MLLT3: variants seen among roughly 807,000 people sequenced by gnomAD.
MLLT3 encodes the protein protein AF-9.
MLLT3 carries 4 observed loss-of-function variants against 53.2 expected under a neutral mutation model. That is an observed-to-expected ratio of 0.08 (90% CI 0.04 to 0.17). The LOEUF (loss-of-function observed/expected upper bound fraction) is 0.17, where lower values mean the gene tolerates loss of function less well. MLLT3 is among the 10% of genes least tolerant of loss of function. The pLI is 1.00. For synonymous variants in MLLT3, 283 were observed against 230.6 expected, an observed-to-expected ratio of 1.23 and a Z score of -2.06; for missense variants, 569 against 684.0, an observed-to-expected ratio of 0.83 and a Z score of 1.87.
chr9:20,602,029 T>C (rs895065864), intron 2 of MLLT3, among the ~76,000 whole-genome samples: 5 of 152,138 alleles, frequency 3.3e-5, no homozygotes, highest in African/African-American at 9.7e-5. Context: ...AGATAAAATG[T>C]TCCCACTCCT....
chr9:20,467,081 A>G (rs576141111), intron 2 of MLLT3, among the ~76,000 whole-genome samples: 4 of 152,316 alleles, frequency 2.6e-5, no homozygotes, highest in Non-Finnish European at 5.9e-5. Context: ...TTCAAACTAG[A>G]GACACTATGA....
Position 20,414,253 on chromosome 9 carries a change from T to C in MLLT3, c.593A>G (p.Lys198Arg), listed in dbSNP as rs1414519136. 6.2e-7 allele frequency: 1 copy of C among 1,612,826 alleles called. No individual in the cohort carries two copies. The highest frequency in any genetic ancestry group is 1.7e-5 in the Admixed American group (1 of 59,958). ...SSSTSFSKPH[K>R]LMKEHKEKPS... Reference sequence around the variant, plus strand: ...TTTTTCCTTGTGCTCCTTCATTAATTTGTGAGGCTTTGAAAAACTGGTACT... The same window carrying C: ...TTTTTCCTTGTGCTCCTTCATTAATCTGTGAGGCTTTGAAAAACTGGTACT... The change falls in exon 5 of 11, where the codon AAA (lysine) becomes AGA (arginine). Residue 198 changes from lysine (K) to arginine (R), a missense_variant. By Grantham distance (26) the Lys-to-Arg change is conservative. Coordinates refer to ENST00000380338, the MANE Select transcript of MLLT3 (RefSeq NM_004529.4).
chr9:20,606,216 A>G (rs1232907999), intron 2 of MLLT3, among the ~76,000 whole-genome samples: 1 of 152,104 alleles, frequency 6.6e-6, no homozygotes, highest in African/African-American at 2.4e-5. Flanking sequence ...TGGAGATTCA[A>G]GACCACCCAT....
intron 2 of MLLT3, among the ~76,000 whole-genome samples, chr9:20,505,393 T>A (rs976374829): frequency 2.0e-5 from 3 of 152,180 alleles, no homozygotes; most frequent in Non-Finnish European, 4.4e-5. Flanking sequence ...ATAAACTTTT[T>A]TTTCCTCCAA....
chr9:20,506,325 G>A (rs1407288143), intron 2 of MLLT3, among the ~76,000 whole-genome samples: 1 of 152,164 alleles, frequency 6.6e-6, no homozygotes, highest in Admixed American at 6.5e-5. Flanking sequence ...ACAGGCGTGA[G>A]CCACCGTGCC....
chr9:20,482,730 C>T (rs1319360749), intron 2 of MLLT3, among the ~76,000 whole-genome samples: 5 of 152,040 alleles, frequency 3.3e-5, no homozygotes, highest in Admixed American at 6.5e-5. Flanking sequence ...GAGGCATTAG[C>T]GGATTGTTTT....
At chr9:20,363,737 A>G in intron 6 of MLLT3, 132 bp from the exon 7 acceptor site, 1 of 793,756 alleles carries the variant, frequency 1.3e-6, no homozygotes, top group Non-Finnish European at 1.7e-6. Context: ...TATACAATTT[A>G]CAAGGCAAAT....
chr9:20,585,752 G>A (rs1033814987), intron 2 of MLLT3, among the ~76,000 whole-genome samples: 1 of 152,146 alleles, frequency 6.6e-6, no homozygotes, highest in African/African-American at 2.4e-5. Context: ...CTATTTCCCA[G>A]TGTGGTCTCA....
intron 2 of MLLT3, among the ~76,000 whole-genome samples, chr9:20,582,522 A>G (rs1819820079): frequency 6.6e-6 from 1 of 152,128 alleles, no homozygotes; most frequent in South Asian, 2.1e-4. Flanking sequence ...GCTTCTTTCA[A>G]TTGGCAATAT....
chr9:20,540,523 C>T (rs1818603650), intron 2 of MLLT3, among the ~76,000 whole-genome samples: 1 of 152,248 alleles, frequency 6.6e-6, no homozygotes, highest in Non-Finnish European at 1.5e-5. Flanking sequence ...CCTCTGAAGC[C>T]ATGGCCCAAG....
intron 2 of MLLT3, among the ~76,000 whole-genome samples, chr9:20,561,186 T>G (rs1416451530): frequency 6.6e-6 from 1 of 152,144 alleles, no homozygotes; most frequent in Non-Finnish European, 1.5e-5. Context: ...CTAGTTAACA[T>G]GTATCTACTT....
At chr9:20,548,482 T>C (rs977528433) in intron 2 of MLLT3, among the ~76,000 whole-genome samples, 20 of 152,226 alleles carry the variant, frequency 1.3e-4, no homozygotes, top group Non-Finnish European at 2.1e-4. Flanking sequence ...TAAATACAGA[T>C]TACATTTGAC....
At chr9:20,384,273 G>A (rs892411728) in intron 5 of MLLT3, among the ~76,000 whole-genome samples, 1 of 152,016 alleles carries the variant, frequency 6.6e-6, no homozygotes, top group Non-Finnish European at 1.5e-5. Context: ...GAATACAGAG[G>A]TGGGCCAAAA....
At chr9:20,542,607 C>T (rs926968194) in intron 2 of MLLT3, among the ~76,000 whole-genome samples, 1 of 152,138 alleles carries the variant, frequency 6.6e-6, no homozygotes, top group Non-Finnish European at 1.5e-5. Flanking sequence ...TTAAACTATT[C>T]AGTAAGCCAT....
intron 4 of MLLT3, among the ~76,000 whole-genome samples, chr9:20,445,625 A>T (rs1586954444): frequency 6.6e-6 from 1 of 152,172 alleles, no homozygotes; most frequent in East Asian, 1.9e-4. Flanking sequence ...GCAACACTCA[A>T]CTTTTAGTAG....
chr9:20,474,128 A>T (rs1189908597), intron 2 of MLLT3, among the ~76,000 whole-genome samples: 3 of 152,084 alleles, frequency 2.0e-5, no homozygotes, highest in Non-Finnish European at 2.9e-5. Flanking sequence ...TGGCTCCTAA[A>T]CTTATGATTT....
At chr9:20,422,445 A>G (rs922068897) in intron 4 of MLLT3, among the ~76,000 whole-genome samples, 4 of 152,178 alleles carry the variant, frequency 2.6e-5, no homozygotes, top group African/African-American at 9.7e-5. Context: ...AAATTCCTCA[A>G]TTTACCCAGA....
intron 2 of MLLT3, among the ~76,000 whole-genome samples, chr9:20,466,354 G>T (rs545203492): frequency 6.6e-6 from 1 of 152,228 alleles, no homozygotes; most frequent in Admixed American, 6.5e-5. Flanking sequence ...CACAGTGTTA[G>T]TGTCCCCTTA....
intron 4 of MLLT3, among the ~76,000 whole-genome samples, chr9:20,431,469 T>C (rs1275468277): frequency 6.6e-6 from 1 of 152,124 alleles, no homozygotes; most frequent in East Asian, 1.9e-4. Flanking sequence ...TCCATAATTG[T>C]TTATAAGTCA....
Sources: gnomAD v4.1 joint callset for allele counts (sites outside exome capture counted in the v4.1 genomes callset) on GRCh38, gnomAD v4.1.1 for gene constraint, MANE v1.5 for transcripts, NCBI Gene and HGNC (gene_info 2026-07-23, HGNC 2026-07-21) for gene names.